TMEM178B: variants seen among roughly 807,000 people sequenced by gnomAD.
TMEM178B encodes the protein transmembrane protein 178B.
In TMEM178B, 5 loss-of-function variants were observed where a neutral mutation model predicts 31.0. That is an observed-to-expected ratio of 0.16 (90% CI 0.08 to 0.34). The LOEUF is 0.34. TMEM178B is among the 10% of genes least tolerant of loss of function. The pLI, the probability that TMEM178B is intolerant of heterozygous loss-of-function variation, is 1.00. For synonymous variants in TMEM178B, 164 were observed against 164.0 expected (o/e 1.00, Z 0.00); for missense variants, 275 against 400.3 (o/e 0.69, Z 2.67).
intron 2 of TMEM178B, among the ~76,000 whole-genome samples, chr7:141,416,562 A>G (rs978974806): frequency 6.6e-6 from 1 of 152,208 alleles, no homozygotes; most frequent in African/African-American, 2.4e-5. Flanking sequence ...TCCACGATCC[A>G]TTTAGTTTTA....
intron 2 of TMEM178B, among the ~76,000 whole-genome samples, chr7:141,292,720 C>G (rs1386238258): frequency 1.4e-5 from 2 of 146,116 alleles, no homozygotes; most frequent in Non-Finnish European, 3.0e-5. Flanking sequence ...TCACTGCAAC[C>G]TCCGCCTCCC....
At chr7:141,155,620 C>T (rs542172027) in intron 1 of TMEM178B, among the ~76,000 whole-genome samples, 6 of 152,206 alleles carry the variant, frequency 3.9e-5, no homozygotes, top group Non-Finnish European at 8.8e-5. Context: ...GCTCAGCCAT[C>T]CTGGGGTCAG....
intron 2 of TMEM178B, among the ~76,000 whole-genome samples, chr7:141,276,279 A>G (rs1798265153): frequency 6.6e-6 from 1 of 152,182 alleles, no homozygotes; most frequent in South Asian, 2.1e-4. Flanking sequence ...TCAGAGCTGG[A>G]AATACACTCA....
intron 2 of TMEM178B, among the ~76,000 whole-genome samples, chr7:141,417,708 T>C (rs1217637598): frequency 6.6e-6 from 1 of 152,232 alleles, no homozygotes; most frequent in African/African-American, 2.4e-5. Flanking sequence ...ACTAGCGCCT[T>C]CCACTGAATG....
chr7:141,081,838 C>T (rs1317775988), intron 1 of TMEM178B, among the ~76,000 whole-genome samples: 1 of 152,184 alleles, frequency 6.6e-6, no homozygotes, highest in Non-Finnish European at 1.5e-5. Flanking sequence ...TAGGACCTCA[C>T]TTTCACTCGC....
At chr7:141,181,052 A>G (rs531440385) in intron 1 of TMEM178B, among the ~76,000 whole-genome samples, 64 of 152,132 alleles carry the variant, frequency 4.2e-4, no homozygotes, top group Non-Finnish European at 7.2e-4. Context: ...TGTGCCAAGT[A>G]TGATAGTGAA....
chr7:141,195,365 T>G (rs566099764), intron 1 of TMEM178B, among the ~76,000 whole-genome samples: 1 of 152,276 alleles, frequency 6.6e-6, no homozygotes, highest in East Asian at 1.9e-4. Flanking sequence ...TACCCTAAGT[T>G]ATCTTTCTCA....
intron 2 of TMEM178B, among the ~76,000 whole-genome samples, chr7:141,413,553 C>T (rs541630829): frequency 3.9e-4 from 60 of 152,300 alleles, no homozygotes; most frequent in Middle Eastern, 3.4e-3. Context: ...TTTTTTCTGG[C>T]ATTCTTGGGT....
At chr7:141,333,605 G>C (rs908997277) in intron 2 of TMEM178B, among the ~76,000 whole-genome samples, 1 of 152,166 alleles carries the variant, frequency 6.6e-6, no homozygotes, top group African/African-American at 2.4e-5. Context: ...GTACAGGAGG[G>C]GTGCTGGAGG....
intron 3 of TMEM178B, among the ~76,000 whole-genome samples, chr7:141,449,478 A>G (rs1181767): frequency 0.77 from 117,235 of 152,108 alleles, 45,307 homozygotes; most frequent in South Asian, 0.84. Flanking sequence ...TTTTTGTCAC[A>G]TCCAATCCTT....
At chr7:141,319,570 T>G (rs1431665591) in intron 2 of TMEM178B, among the ~76,000 whole-genome samples, 5 of 152,122 alleles carry the variant, frequency 3.3e-5, no homozygotes, top group Non-Finnish European at 7.4e-5. Flanking sequence ...TCTTTTTTTT[T>G]GAGACGGAGT....
chr7:141,447,566 ATC>A (rs756617245), intron 3 of TMEM178B, among the ~76,000 whole-genome samples: 3 of 152,088 alleles, frequency 2.0e-5, no homozygotes, highest in East Asian at 3.9e-4. Flanking sequence ...TCTGCTCTCT[ATC>A]TGTTTCACAG....
intron 1 of TMEM178B, among the ~76,000 whole-genome samples, chr7:141,158,045 C>CG (rs750931360): frequency 9.2e-5 from 14 of 152,212 alleles, no homozygotes; most frequent in Non-Finnish European, 1.8e-4. Flanking sequence ...CAGTCTGCAA[C>CG]AGTCTCTTTC....
chr7:141,312,529 T>C (rs1798929562), intron 2 of TMEM178B, among the ~76,000 whole-genome samples: 1 of 152,208 alleles, frequency 6.6e-6, no homozygotes, highest in South Asian at 2.1e-4. Context: ...CCCGTAGATA[T>C]TTCAATGGCC....
chr7:141,395,163 G>C (rs1418418234), intron 2 of TMEM178B, among the ~76,000 whole-genome samples: 1 of 152,148 alleles, frequency 6.6e-6, no homozygotes, highest in Non-Finnish European at 1.5e-5. Context: ...AGTATCCATA[G>C]AAATTTGGCT....
intron 1 of TMEM178B, among the ~76,000 whole-genome samples, chr7:141,091,142 A>C (rs1426056706): frequency 2.6e-5 from 4 of 152,220 alleles, no homozygotes; most frequent in Non-Finnish European, 4.4e-5. Flanking sequence ...GTTAAGCTGG[A>C]AAATGATTTC....
the TMEM178B span, among the ~76,000 whole-genome samples, chr7:141,496,253 T>A: frequency 2.0e-4 from 31 of 152,142 alleles, no homozygotes; most frequent in African/African-American, 7.5e-4. Context: ...GGATTTCTCC[T>A]GGGGCAAGAT....
chr7:141,091,247 G>C (rs1289449981), intron 1 of TMEM178B, among the ~76,000 whole-genome samples: 1 of 152,136 alleles, frequency 6.6e-6, no homozygotes, highest in Non-Finnish European at 1.5e-5. Context: ...GGTTTGAAGA[G>C]CTGGCTTTAA....
intron 2 of TMEM178B, among the ~76,000 whole-genome samples, chr7:141,263,330 C>T (rs569996315): frequency 1.2e-4 from 19 of 152,228 alleles, no homozygotes; most frequent in East Asian, 1.9e-4. Context: ...GGAATAGTGG[C>T]GATAACATTT....
Sources: allele counts gnomAD v4.1 joint callset (sites outside exome capture counted in the v4.1 genomes callset), GRCh38; gene constraint gnomAD v4.1.1; transcripts MANE v1.5; gene names NCBI Gene and HGNC (gene_info 2026-07-23, HGNC 2026-07-21).